The following STX7 variants were observed in gnomAD, a reference collection of about 807,000 sequenced individuals.
STX7 encodes the protein syntaxin 7.
In STX7, 34 loss-of-function variants were observed where a neutral mutation model predicts 39.6. The ratio of observed to expected loss-of-function variants is 0.86; its 90% confidence interval spans 0.65 to 1.14. The LOEUF (loss-of-function observed/expected upper bound fraction) is 1.14, where lower values mean the gene tolerates loss of function less well. Among genes scored for constraint, STX7 ranks in the 50% most tolerant of loss-of-function variants. The pLI, the probability that STX7 is intolerant of heterozygous loss-of-function variation, is 0.00. For missense variants in STX7, 284 were observed against 310.4 expected (o/e 0.92, Z 0.64); for synonymous variants, 119 against 99.1 (o/e 1.20, Z -1.19).
intron 2 of STX7, among the ~76,000 whole-genome samples, chr6:132,493,621 T>C (rs559703826): frequency 2.0e-5 from 3 of 152,334 alleles, no homozygotes; most frequent in East Asian, 3.9e-4. Flanking sequence ...GGAAATGTGA[T>C]CCATTACACC....
At chr6:132,507,396 C>A (rs1775730951) in intron 1 of STX7, among the ~76,000 whole-genome samples, 1 of 152,180 alleles carries the variant, frequency 6.6e-6, no homozygotes, top group South Asian at 2.1e-4. Flanking sequence ...CAACATTGTA[C>A]AATCATCACT....
intron 2 of STX7, among the ~76,000 whole-genome samples, chr6:132,482,964 G>C (rs569850171): frequency 6.6e-6 from 1 of 151,038 alleles, no homozygotes; most frequent in African/African-American, 2.4e-5. Context: ...AGTTTTAAAG[G>C]GTTAACAAAA....
chr6:132,500,700 TC>T (rs1366338427), intron 2 of STX7, among the ~76,000 whole-genome samples: 1 of 152,130 alleles, frequency 6.6e-6, no homozygotes, highest in Non-Finnish European at 1.5e-5. Flanking sequence ...GTACTATGTA[TC>T]CCAAAAATTA....
intron 9 of STX7, among the ~76,000 whole-genome samples, chr6:132,462,937 A>C (rs1774447940): frequency 6.6e-6 from 1 of 152,176 alleles, no homozygotes. Flanking sequence ...AGAAGTTAAC[A>C]GCGGCTGGGC....
chr6:132,497,605 T>C (rs1042431649), intron 2 of STX7, among the ~76,000 whole-genome samples: 1 of 152,238 alleles, frequency 6.6e-6, no homozygotes, highest in Non-Finnish European at 1.5e-5. Context: ...TATTTTGATA[T>C]ATTGATTCTG....
At chr6:132,466,049 T>C (rs1333633001) in intron 8 of STX7, among the ~76,000 whole-genome samples, 1 of 152,220 alleles carries the variant, frequency 6.6e-6, no homozygotes, top group African/African-American at 2.4e-5. Flanking sequence ...CTTCCCCTCT[T>C]TACTCCTTGA....
intron 1 of STX7, among the ~76,000 whole-genome samples, chr6:132,509,512 C>A (rs6908246): frequency 0.91 from 125,450 of 138,016 alleles, 57,391 homozygotes; most frequent in Middle Eastern, 1. Flanking sequence ...CATAACATAA[C>A]ATAAAATAAA....
At position 132,452,739 on chromosome 6, in the gene STX7, ATGAAG is replaced by A. The variant is rs1411358249; in HGVS notation, c.*8014_*8018del. On this transcript the variant is annotated 3_prime_UTR_variant, in exon 10 of 10. Transcript: ENST00000367941. ...TGAAGGAAAACAAAATTTAACTGAAATGAAGTGAAGTGATCCTGTGATCATGATCG... is the reference window on the plus strand; with the variant it reads ...TGAAGGAAAACAAAATTTAACTGAAATGAAGTGATCCTGTGATCATGATCG... 6.6e-6 allele frequency: 1 copy of A among 152,158 alleles called. No individual in the cohort carries two copies. 9.4% of individuals were successfully genotyped at this position (152,158 alleles called of 1,614,324 possible).
In STX7 at chr6:132,454,436, C is replaced by T. The variant is rs1190947132; in HGVS notation, c.*6322G>A. Reference sequence around the variant, plus strand: ...TTGTATGACAGTTTTGAAAGATGTTCACTGTGTGGGAAACAAAGTGAAAGG... The same window carrying T: ...TTGTATGACAGTTTTGAAAGATGTTTACTGTGTGGGAAACAAAGTGAAAGG... On this transcript the variant is annotated 3_prime_UTR_variant, in exon 10 of 10. Coordinates refer to ENST00000367941, the MANE Select transcript of STX7 (RefSeq NM_003569.3). 7.9e-5 allele frequency: 12 copies of T among 152,058 alleles called. No individual in the cohort carries two copies. The highest frequency in any genetic ancestry group is 2.1e-4 in the South Asian group (1 of 4,824). The allele number at this position is 152,058 out of a possible 1,614,324, so 9.4% of individuals were successfully genotyped here. A position where few individuals can be genotyped will look rare whatever the true frequency, so the allele number is the denominator to read the frequency against.
rs71030800 is a variant in STX7 at position 132,448,837 on chromosome 6, C to CAAAAAA, written c.*11915_*11920dup. The CAAAAAA allele has an allele frequency of 1.4e-5, 1 of 72,384 alleles. No individual in the cohort carries two copies. Among genetic ancestry groups the CAAAAAA allele is most frequent in the Non-Finnish European group, 2.5e-5 (1 of 39,406 alleles). 4.5% of individuals were successfully genotyped at this position (72,384 alleles called of 1,614,324 possible). ...TGGGTGACAGAGCAAGACTCTGTCT[C>CAAAAAA]AAAAAAAAAAAAAAAAAAAAAAGGT... On this transcript the variant is annotated 3_prime_UTR_variant, in exon 10 of 10. Transcript: ENST00000367941.
chr6:132,488,904 TAAAC>T (rs1562333297), intron 2 of STX7, among the ~76,000 whole-genome samples: 2 of 151,964 alleles, frequency 1.3e-5, no homozygotes, highest in Admixed American at 6.6e-5. Context: ...TTTGGAGTGT[TAAAC>T]AAAGTGATAT....
rs943005268 is a variant in STX7, at chr6:132,451,169, C to G, written c.*9589G>C. The G allele has an allele frequency of 6.6e-6, 1 of 151,258 alleles. No homozygotes were observed. The highest frequency in any genetic ancestry group is 1.5e-5 in the Non-Finnish European group (1 of 67,934). 9.4% of individuals were successfully genotyped at this position (151,258 alleles called of 1,614,324 possible). On this transcript the variant is annotated 3_prime_UTR_variant, in exon 10 of 10. Coordinates refer to ENST00000367941, the MANE Select transcript of STX7 (RefSeq NM_003569.3). The stretch of plus-strand genomic sequence containing the variant: ...CTGGAGTACAGTGGTGCGATCTCAG[C>G]TCACTGTAATCTCCGCCTACGGGTT...
intron 1 of STX7, among the ~76,000 whole-genome samples, chr6:132,510,955 C>T (rs536122834): frequency 6.6e-6 from 1 of 152,290 alleles, no homozygotes; most frequent in South Asian, 2.1e-4. Context: ...ATATCTCATG[C>T]TCTATAAATC....
intron 2 of STX7, among the ~76,000 whole-genome samples, chr6:132,480,071 C>G (rs748903313): frequency 6.6e-6 from 1 of 152,106 alleles, no homozygotes; most frequent in Non-Finnish European, 1.5e-5. Flanking sequence ...CCCTGTGGCC[C>G]GTCCCCACTC....
chr6:132,460,741 T>C lies in STX7; in HGVS notation c.*17A>G. The stretch of plus-strand genomic sequence containing the variant: ...TAATTTAGACAATGTAGTGCGACAG[T>C]GTGCTCCTTTATAACTTCAGTGGTT... On this transcript the variant is annotated 3_prime_UTR_variant, in exon 10 of 10. Coordinates refer to ENST00000367941, the MANE Select transcript of STX7 (RefSeq NM_003569.3). 6.4e-7 allele frequency: 1 copy of C among 1,561,094 alleles called. No homozygotes were observed. Among genetic ancestry groups the C allele is most frequent in the East Asian group, 2.2e-5 (1 of 44,468 alleles).
intron 2 of STX7, among the ~76,000 whole-genome samples, chr6:132,478,568 C>CCACCAT (rs1774934249): frequency 6.6e-6 from 1 of 152,156 alleles, no homozygotes. Context: ...CTCAGAAATG[C>CCACCAT]CACCATCAAG....
intron 2 of STX7, among the ~76,000 whole-genome samples, chr6:132,479,029 G>T (rs1774948303): frequency 6.6e-6 from 1 of 152,192 alleles, no homozygotes; most frequent in African/African-American, 2.4e-5. Flanking sequence ...TTAGATGCCT[G>T]CAAAGCATAA....
rs1400838175 is a variant in STX7, at chr6:132,446,050, G to A, written c.*14708C>T. 2 of 152,190 alleles carry A rather than the reference G, an allele frequency of 1.3e-5. No homozygotes were observed. The highest frequency in any genetic ancestry group is 4.8e-5 in the African/African-American group (2 of 41,456). The allele number at this position is 152,190 out of a possible 1,614,324, so 9.4% of individuals were successfully genotyped here. A position where few individuals can be genotyped will look rare whatever the true frequency, so the allele number is the denominator to read the frequency against. On this transcript the variant is annotated 3_prime_UTR_variant, in exon 10 of 10. Coordinates refer to ENST00000367941, the MANE Select transcript of STX7 (RefSeq NM_003569.3). Reference sequence around the variant, plus strand: ...GAGGGTTAAGGTATTAAAGATGAAAGCTAGTACCCTTACAACTATTTATAT... The same window carrying A: ...GAGGGTTAAGGTATTAAAGATGAAAACTAGTACCCTTACAACTATTTATAT...
chr6:132,512,591 T>C (rs1775876521), intron 1 of STX7, among the ~76,000 whole-genome samples: 1 of 152,220 alleles, frequency 6.6e-6, no homozygotes, highest in African/African-American at 2.4e-5. Context: ...TAGTGTGTTT[T>C]TCAATCCGTG....
Sources: gnomAD v4.1 joint callset for allele counts (sites outside exome capture counted in the v4.1 genomes callset) on GRCh38, gnomAD v4.1.1 for gene constraint, MANE v1.5 for transcripts, NCBI Gene and HGNC (gene_info 2026-07-23, HGNC 2026-07-21) for gene names.